Variants in IGF2BP3 observed in about 807,000 individuals in gnomAD.
IGF2BP3 encodes the protein insulin-like growth factor 2 mRNA-binding protein 3.
Under a neutral mutation model 73.8 loss-of-function variants are expected in IGF2BP3, and 9 were observed. That is an observed-to-expected ratio of 0.12 (90% CI 0.07 to 0.21). The LOEUF (loss-of-function observed/expected upper bound fraction) is 0.21, where lower values mean the gene tolerates loss of function less well. Among genes scored for constraint, IGF2BP3 ranks in the 10% least tolerant of loss-of-function variants. The probability of loss-of-function intolerance (pLI) is 1.00; values close to 1 mark genes in which losing one functional copy is unlikely to be tolerated. For missense variants in IGF2BP3, 542 were observed against 714.0 expected (o/e 0.76, Z 2.75); for synonymous variants, 258 against 256.7 (o/e 1.01, Z -0.05).
chr7:23,321,461 G>C (rs965448210), intron 10 of IGF2BP3, among the ~76,000 whole-genome samples: 3 of 152,234 alleles, frequency 2.0e-5, no homozygotes, highest in African/African-American at 4.8e-5. Context: ...ACAGCAGTCT[G>C]AGATCAAACT....
At chr7:23,412,572 T>C (rs1787058435) in intron 3 of IGF2BP3, among the ~76,000 whole-genome samples, 1 of 152,116 alleles carries the variant, frequency 6.6e-6, no homozygotes, top group Non-Finnish European at 1.5e-5. Context: ...GCATAGGCTG[T>C]TTCCCCACAC....
intron 3 of IGF2BP3, among the ~76,000 whole-genome samples, chr7:23,390,153 A>G (rs961467200): frequency 6.6e-6 from 1 of 152,242 alleles, no homozygotes; most frequent in Admixed American, 6.5e-5. Context: ...GGGGGAAAGT[A>G]TAAAGCAACA....
At chr7:23,330,517 G>A (rs1320807630) in intron 10 of IGF2BP3, among the ~76,000 whole-genome samples, 1 of 151,852 alleles carries the variant, frequency 6.6e-6, no homozygotes, top group African/African-American at 2.4e-5. Context: ...TGCGTAGTTG[G>A]CAAAAGCTTA....
At chr7:23,439,136 C>G (rs1042180628) in intron 2 of IGF2BP3, among the ~76,000 whole-genome samples, 1 of 151,980 alleles carries the variant, frequency 6.6e-6, no homozygotes, top group Non-Finnish European at 1.5e-5. Context: ...CCTAGCTACT[C>G]GAAGGCTGAG....
In IGF2BP3 at chr7:23,346,144, T is replaced by C. The variant is rs965353416; in HGVS notation, c.819-82A>G. On this transcript the variant is annotated intron_variant, in intron 7 of 14. Coordinates refer to ENST00000258729, the MANE Select transcript of IGF2BP3 (RefSeq NM_006547.3). ...AAGACAATATTCACTCATTAAACATTTACTTCCTACCTACCATCTGGGAAG... is the reference window on the plus strand; with the variant it reads ...AAGACAATATTCACTCATTAAACATCTACTTCCTACCTACCATCTGGGAAG... 8.3e-6 allele frequency: 12 copies of C among 1,454,184 alleles called. No individual in the cohort carries two copies. The African/African-American group carries it at 1.6e-4, about 19-fold the overall frequency. The allele number at this position is 1,454,184 out of a possible 1,614,324, so 90.1% of individuals were successfully genotyped here. A position where few individuals can be genotyped will look rare whatever the true frequency, so the allele number is the denominator to read the frequency against.
intron 2 of IGF2BP3, among the ~76,000 whole-genome samples, chr7:23,427,854 A>T (rs1391603344): frequency 1.3e-5 from 2 of 152,074 alleles, no homozygotes; most frequent in Non-Finnish European, 2.9e-5. Flanking sequence ...AAAAATATAA[A>T]AAATTAGCTG....
intron 2 of IGF2BP3, among the ~76,000 whole-genome samples, chr7:23,446,587 G>GA (rs1162194794): frequency 2.0e-5 from 3 of 151,936 alleles, no homozygotes; most frequent in Admixed American, 2.0e-4. Context: ...AATAAATGTA[G>GA]AAAAAATAAA....
At chr7:23,340,428 A>G (rs901014727) in intron 10 of IGF2BP3, among the ~76,000 whole-genome samples, 4 of 152,206 alleles carry the variant, frequency 2.6e-5, no homozygotes, top group African/African-American at 9.7e-5. Context: ...TTTCATTTTT[A>G]AAAGGATAAA....
At chr7:23,443,344 C>T (rs1020807240) in intron 2 of IGF2BP3, among the ~76,000 whole-genome samples, 4 of 151,956 alleles carry the variant, frequency 2.6e-5, no homozygotes, top group African/African-American at 9.7e-5. Context: ...AGGCTGGTCT[C>T]GAACTCCCGA....
intron 10 of IGF2BP3, among the ~76,000 whole-genome samples, chr7:23,339,730 C>G (rs996625765): frequency 2.6e-5 from 4 of 152,188 alleles, no homozygotes; most frequent in Non-Finnish European, 5.9e-5. Context: ...GGGGAACCAG[C>G]AGAAATGTGG....
Position 23,319,167 on chromosome 7 carries a change from G to C in IGF2BP3, c.1291C>G (p.Leu431Val). 1 of 1,613,550 alleles carries C rather than the reference G, an allele frequency of 6.2e-7. No homozygotes were observed. Among genetic ancestry groups the C allele is most frequent in the Non-Finnish European group, 8.5e-7 (1 of 1,179,538 alleles). The part of the protein sequence containing the change: ...IGKQGQHIKQ[L>V]SRFAGASIKI... ...ATTGAAGCTCCAGCAAAGCGAGAAA[G>C]CTGCTTGATGTGCTGGCCCTGCTTG... Residue 431 changes from leucine (L) to valine (V), a missense_variant, in exon 11 of 15, where the codon CTT (leucine) becomes GTT (valine). Leu to Val is a conservative substitution (Grantham distance 32). Coordinates refer to ENST00000258729, the MANE Select transcript of IGF2BP3 (RefSeq NM_006547.3).
In IGF2BP3 at chr7:23,370,062, A is replaced by G. The variant is rs992593059; in HGVS notation, c.286-8321T>C. 3.3e-5 allele frequency among the ~76,000 whole-genome samples: 5 copies of G among 152,226 alleles called. 1 individual carries two copies. Among genetic ancestry groups the G allele is most frequent in the South Asian group, 4.1e-4 (2 of 4,834 alleles). On this transcript the variant is annotated intron_variant, in intron 3 of 14. Transcript: ENST00000258729. ...TAACTTGTCCAAACTTCAACATGGC[A>G]TAAGAGGTTGTCAGTTACCTGGTAC...
chr7:23,396,706 A>C (rs12700427), intron 3 of IGF2BP3, among the ~76,000 whole-genome samples: 3 of 150,658 alleles, frequency 2.0e-5, no homozygotes, highest in Non-Finnish European at 4.4e-5. Context: ...GTTGGGGGGG[A>C]AAAAAAAGAG....
At chr7:23,433,383 A>C (rs1158886555) in intron 2 of IGF2BP3, among the ~76,000 whole-genome samples, 3 of 152,214 alleles carry the variant, frequency 2.0e-5, no homozygotes, top group Non-Finnish European at 2.9e-5. Flanking sequence ...GTAAGGATAA[A>C]ATACATACAG....
chr7:23,465,616 G>C (rs760085409), intron 2 of IGF2BP3, among the ~76,000 whole-genome samples: 3 of 152,184 alleles, frequency 2.0e-5, no homozygotes, highest in Non-Finnish European at 4.4e-5. Flanking sequence ...GTCAGTGCAA[G>C]CCCATTCATC....
chr7:23,394,955 A>T (rs1395227380), intron 3 of IGF2BP3, among the ~76,000 whole-genome samples: 1 of 152,246 alleles, frequency 6.6e-6, no homozygotes, highest in Non-Finnish European at 1.5e-5. Context: ...AAGTGCACAG[A>T]ACATGCTCAG....
intron 6 of IGF2BP3, among the ~76,000 whole-genome samples, chr7:23,348,160 T>A (rs1314973895): frequency 6.6e-6 from 1 of 152,232 alleles, no homozygotes; most frequent in Non-Finnish European, 1.5e-5. Context: ...CTTCATTCAT[T>A]GGATGAGCAG....
intron 3 of IGF2BP3, among the ~76,000 whole-genome samples, chr7:23,367,264 C>T (rs930631977): frequency 2.0e-5 from 3 of 152,066 alleles, no homozygotes; most frequent in Non-Finnish European, 4.4e-5. Flanking sequence ...AAGTGTGAGC[C>T]ACAGTGTCCG....
chr7:23,370,315 G>T (rs190586433), intron 3 of IGF2BP3, among the ~76,000 whole-genome samples: 41 of 152,272 alleles, frequency 2.7e-4, no homozygotes, highest in African/African-American at 9.9e-4. Context: ...AGTTTTCAGA[G>T]TCACACTGAC....
Sources: gnomAD v4.1 joint callset for allele counts (sites outside exome capture counted in the v4.1 genomes callset) on GRCh38, gnomAD v4.1.1 for gene constraint, MANE v1.5 for transcripts, NCBI Gene and HGNC (gene_info 2026-07-23, HGNC 2026-07-21) for gene names.